The following VPS52 variants were observed in gnomAD, a reference collection of about 807,000 sequenced individuals.
The protein encoded by VPS52 is VPS52 subunit of GARP complex, also known as vacuolar protein sorting-associated protein 52 homolog.
Under a neutral mutation model 98.7 loss-of-function variants are expected in VPS52, and 56 were observed. The ratio of observed to expected loss-of-function variants is 0.57; its 90% CI spans 0.46 to 0.71. The LOEUF (loss-of-function observed/expected upper bound fraction) is 0.71. VPS52 is among the 30% of genes least tolerant of loss of function. VPS52 has a pLI of 0.00. For synonymous variants in VPS52, 348 were observed against 346.4 expected (o/e 1.00, Z -0.05); for missense variants, 742 against 925.9 (o/e 0.80, Z 2.58).
chr6:33,270,786 T>C (rs1764935945), intron 1 of VPS52, among the ~76,000 whole-genome samples: 1 of 149,534 alleles, frequency 6.7e-6, no homozygotes, highest in South Asian at 2.2e-4. Flanking sequence ...CCGTCTCTAC[T>C]AAAAAATACA....
intron 5 of VPS52, 113 bp downstream of exon 5, chr6:33,269,377 T>C: frequency 1.3e-6 from 2 of 1,489,014 alleles, no homozygotes; most frequent in Non-Finnish European, 9.3e-7. Context: ...TGAAGTCATC[T>C]TGAAAATGAC....
At chr6:33,251,817 T>C (rs769837196) in intron 18 of VPS52, 43 bp downstream of exon 18, 1 of 1,597,400 alleles carries the variant, frequency 6.3e-7, no homozygotes. Context: ...TCTTTTCCAC[T>C]TCCCTTACCA....
chr6:33,271,322 T>C (rs949277066), intron 1 of VPS52: 2 of 654,160 alleles, frequency 3.1e-6, no homozygotes, highest in African/African-American at 3.6e-5. Context: ...TCAGAGGCCA[T>C]GTTCTTAACC....
chr6:33,267,399 C>A lies in VPS52; in HGVS notation c.992-78G>T. 6.6e-7 allele frequency: 1 copy of A among 1,512,912 alleles called. No individual in the cohort carries two copies. The highest frequency in any genetic ancestry group is 8.8e-7 in the Non-Finnish European group (1 of 1,132,038). 93.7% of individuals were successfully genotyped at this position (1,512,912 alleles called of 1,614,324 possible). On this transcript the variant is annotated intron_variant, in intron 10 of 19. Coordinates refer to ENST00000445902, the MANE Select transcript of VPS52 (RefSeq NM_022553.6). The surrounding 1 kb of genome is among the most constrained non-coding windows in gnomAD (Gnocchi z 4.2). Reference sequence around the variant, plus strand: ...ACTCACTATCTGTGGGGACCCCAGACAGGCAGACGTGGCCTAGCCAGCCCT... The same window carrying A: ...ACTCACTATCTGTGGGGACCCCAGAAAGGCAGACGTGGCCTAGCCAGCCCT...
rs997590745 is a variant in VPS52, at chr6:33,268,837, TTCTTAA to T, written c.548+171_548+176del. ...CCACTATACACCTGATCTTACATCA[TTCTTAA>T]TCTTAATCTTTGATGCCTAATGCAT... is the stretch of plus-strand genomic sequence containing the variant. On this transcript the variant is annotated intron_variant, in intron 6 of 19. Coordinates refer to ENST00000445902, the MANE Select transcript of VPS52 (RefSeq NM_022553.6). This position sits in a 1 kb window ranked among gnomAD's most constrained non-coding sequence, Gnocchi z 4.0. Among the ~76,000 whole-genome samples the T allele has an allele frequency of 4.2e-4, 64 of 152,320 alleles. No individual in the cohort carries two copies. Among genetic ancestry groups the T allele is most frequent in the African/African-American group, 1.4e-3 (60 of 41,578 alleles).
At chr6:33,259,203 G>A (rs1240154280) in intron 17 of VPS52, among the ~76,000 whole-genome samples, 1 of 152,180 alleles carries the variant, frequency 6.6e-6, no homozygotes. Flanking sequence ...AACTGACATT[G>A]TGGACTTCCT....
At chr6:33,252,670 A>ATTT (rs1562527775) in intron 17 of VPS52, among the ~76,000 whole-genome samples, 1 of 151,968 alleles carries the variant, frequency 6.6e-6, no homozygotes, top group African/African-American at 2.4e-5. Context: ...AAAAAAGGAA[A>ATTT]TTTTTTTAGA....
intron 17 of VPS52, among the ~76,000 whole-genome samples, chr6:33,259,525 C>T (rs953656854): frequency 1.3e-5 from 2 of 151,976 alleles, no homozygotes; most frequent in African/African-American, 4.8e-5. Flanking sequence ...ACAAATAAAA[C>T]CCACTGAAAT....
At chr6:33,270,162 A>T in intron 2 of VPS52, 37 bp downstream of exon 2, 1 of 1,612,340 alleles carries the variant, frequency 6.2e-7, no homozygotes, top group Non-Finnish European at 8.5e-7. Flanking sequence ...TGCCTCTCAG[A>T]TTACAGGTAC....
At position 33,269,766 on chromosome 6, in the gene VPS52, A is replaced by C. The variant is rs1227922345; in HGVS notation, c.282T>G (p.Ile94Met). 3.7e-6 allele frequency: 6 copies of C among 1,613,842 alleles called. No homozygotes were observed. The highest frequency in any genetic ancestry group is 2.2e-5 in the East Asian group (1 of 44,858). ...TACAATCCCGAATGGATTTCTGTTC[A>C]ATCTGCTGTAGCTCCAGCTCAACTT... ...SKQVELELQQ[I>M]EQKSIRDYIQ... is the part of the protein sequence containing the mutation. Residue 94 changes from isoleucine to methionine, a missense_variant, in exon 4 of 20, where the codon ATT (isoleucine) becomes ATG (methionine). Physicochemically the swap from Ile to Met is conservative, Grantham distance 10. Coordinates refer to ENST00000445902, the MANE Select transcript of VPS52 (RefSeq NM_022553.6).
chr6:33,252,122 A>G lies in VPS52; in HGVS notation c.1795-151T>C, dbSNP rs190454301. On this transcript the variant is annotated intron_variant, in intron 17 of 19. Transcript: ENST00000445902. ...TCCTCTATGGAGAAAAATATCCTCA[A>G]TCCTAATTTTGGCCCATACAGTTCC... 392 of 657,190 alleles carry G rather than the reference A, an allele frequency of 6.0e-4. 5 individuals carry two copies. The East Asian group carries it at 7.7e-3, about 13-fold the overall frequency. 40.7% of individuals were successfully genotyped at this position (657,190 alleles called of 1,614,324 possible). A position where few individuals can be genotyped will look rare whatever the true frequency, so the allele number is the denominator to read the frequency against.
intron 2 of VPS52, 38 bp downstream of exon 2, chr6:33,270,161 G>A (rs1282325274): frequency 1.2e-6 from 2 of 1,612,258 alleles, no homozygotes; most frequent in African/African-American, 2.7e-5. Context: ...ATGCCTCTCA[G>A]ATTACAGGTA....
In VPS52 at chr6:33,269,154, G is replaced by A; in HGVS notation, c.408C>T (p.Asp136=). 1.2e-6 allele frequency: 2 copies of A among 1,613,052 alleles called. No individual in the cohort carries two copies. The highest frequency in any genetic ancestry group is 8.5e-7 in the Non-Finnish European group (1 of 1,180,036). ...GGATCTCAGAGCTGATGGAGCTGAG[G>A]TCACTCTGAAAAGCTCCCAACATCT... The part of the protein sequence containing the change: ...MEQMLGAFQS[D]LSSISSEIRT... Residue 136 remains aspartate (D), a synonymous_variant, in exon 6 of 20, where the codon GAC becomes GAT. Coordinates refer to ENST00000445902, the MANE Select transcript of VPS52 (RefSeq NM_022553.6).
chr6:33,268,922 T>TG lies in VPS52; in HGVS notation c.548+91dup. The TG allele has an allele frequency of 2.0e-6, 3 of 1,508,740 alleles. No homozygotes were observed. The highest frequency in any genetic ancestry group is 2.7e-6 in the Non-Finnish European group (3 of 1,119,912). 93.5% of individuals were successfully genotyped at this position (1,508,740 alleles called of 1,614,324 possible). On this transcript the variant is annotated intron_variant, in intron 6 of 19. Coordinates refer to ENST00000445902, the MANE Select transcript of VPS52 (RefSeq NM_022553.6). The surrounding 1 kb of genome is among the most constrained non-coding windows in gnomAD (Gnocchi z 4.0). ...ACTAATTTCTAAAAAGCACTTAACC[T>TG]GGAGCCAGGAGACCCATATGGTAAA...
chr6:33,268,563 T>G lies in VPS52; in HGVS notation c.635A>C (p.Gln212Pro), dbSNP rs1179497215. 6.2e-7 allele frequency: 1 copy of G among 1,612,724 alleles called. No homozygotes were observed. Among genetic ancestry groups the G allele is most frequent in the Non-Finnish European group, 8.5e-7 (1 of 1,179,978 alleles). The change falls in exon 7 of 20, where the codon CAG (glutamine) becomes CCG (proline). Residue 212 changes from glutamine to proline, a missense_variant. By Grantham distance (76) the Gln-to-Pro change is moderately conservative. This residue lies in a region of VPS52 where 590 missense variants were observed against 793.3 expected (regional missense o/e 0.74). Coordinates refer to ENST00000445902, the MANE Select transcript of VPS52 (RefSeq NM_022553.6). This position sits in a 1 kb window ranked among gnomAD's most constrained non-coding sequence, Gnocchi z 4.0. ...LDAKAAAVRE[Q>P]EARGTAACAD... The stretch of plus-strand genomic sequence containing the variant: ...GCAGGCTGCTGTGCCTCTAGCTTCC[T>G]GCTCTCTGACTGCGGCTGCCTTGGC...
chr6:33,270,291 G>A lies in VPS52; in HGVS notation c.91-8C>T, dbSNP rs192229230. ...GAGCCCAGGACCACCCGCCTGGAAA[G>A]GGATAAGTTAATGGGAGTAGGGTAC... On this transcript the variant is annotated splice_polypyrimidine_tract_variant and splice_region_variant and intron_variant, in intron 1 of 19. Transcript: ENST00000445902. The A allele has an allele frequency of 5.0e-6, 8 of 1,610,082 alleles. No homozygotes were observed. In the East Asian group the frequency reaches 1.6e-4, roughly 31 times the overall value.
Position 33,268,457 on chromosome 6 carries a change from C to A in VPS52, c.699+42G>T. On this transcript the variant is annotated intron_variant, in intron 7 of 19. Coordinates refer to ENST00000445902, the MANE Select transcript of VPS52 (RefSeq NM_022553.6). The surrounding 1 kb of genome is among the most constrained non-coding windows in gnomAD (Gnocchi z 4.0). ...ATCCATAGTGAAGATCTTGGGAAGG[C>A]TGCTTCCAGTAGCCTCCAGGGTATC... The A allele has an allele frequency of 1.3e-6, 2 of 1,550,072 alleles. No homozygotes were observed. Among genetic ancestry groups the A allele is most frequent in the South Asian group, 1.2e-5 (1 of 81,476 alleles).
upstream of VPS52, chr6:33,271,959 C>T (rs1420676234): frequency 9.2e-7 from 1 of 1,083,702 alleles, no homozygotes; most frequent in Non-Finnish European, 1.3e-6. Context: ...GGTACCCAAG[C>T]CATACTCTCA....
Position 33,268,654 on chromosome 6 carries a change from T to A in VPS52, c.549-5A>T. The A allele has an allele frequency of 6.3e-7, 1 of 1,596,176 alleles. No homozygotes were observed. The highest frequency in any genetic ancestry group is 8.5e-7 in the Non-Finnish European group (1 of 1,175,418). On this transcript the variant is annotated splice_region_variant and splice_polypyrimidine_tract_variant and intron_variant, in intron 6 of 19. Transcript: ENST00000445902. This position sits in a 1 kb window ranked among gnomAD's most constrained non-coding sequence, Gnocchi z 4.0. The stretch of plus-strand genomic sequence containing the variant: ...ACTGGAGCCTCCAGAATTGCCCTGG[T>A]TAGCAGGGAGGGGTGGGATGAGTTA...
Sources: gnomAD v4.1 joint callset for allele counts (sites outside exome capture counted in the v4.1 genomes callset) on GRCh38, gnomAD v4.1.1 for gene constraint, gnomAD v4.1.1 regional missense constraint, Gnocchi (gnomAD v3.1) non-coding constraint, MANE v1.5 for transcripts, NCBI Gene and HGNC (gene_info 2026-07-23, HGNC 2026-07-21) for gene names.